Variants in KLF15 observed in about 807,000 individuals in gnomAD.
The protein encoded by KLF15 is Krueppel-like factor 15.
In KLF15, 4 loss-of-function variants were observed where a neutral mutation model predicts 24.6. The observed-to-expected ratio is 0.16, with a 90% confidence interval of 0.08 to 0.37. KLF15 has a LOEUF of 0.37. Among genes scored for constraint, KLF15 ranks in the 10% least tolerant of loss-of-function variants. The probability of loss-of-function intolerance (pLI) is 1.00; values close to 1 mark genes in which losing one functional copy is unlikely to be tolerated. For synonymous variants in KLF15, 246 were observed against 236.3 expected (o/e 1.04, Z -0.37); for missense variants, 496 against 560.6 (o/e 0.88, Z 1.16).
In KLF15 at chr3:126,344,445, G is replaced by A. The variant is rs1054202074; in HGVS notation, c.1083-550C>T. On this transcript the variant is annotated intron_variant, in intron 2 of 2. Transcript: ENST00000296233. ...GCATTCTCTGTTGGGAACTGCCAGA[G>A]CAGCTGGTAAAAGCTCCCAACAGGA... 4.6e-5 allele frequency among the ~76,000 whole-genome samples: 7 copies of A among 152,334 alleles called. No homozygotes were observed. The East Asian group carries it at 1.4e-3, about 29-fold the overall frequency.
At chr3:126,338,485 A>G (rs1199129796), downstream of KLF15, among the ~76,000 whole-genome samples, 1 of 152,206 alleles carries the variant, frequency 6.6e-6, no homozygotes, top group African/African-American at 2.4e-5. Flanking sequence ...CAGAAATGAC[A>G]TCAATGTCTT....
downstream of KLF15, among the ~76,000 whole-genome samples, chr3:126,340,758 G>A (rs1467913768): frequency 6.6e-6 from 1 of 152,128 alleles, no homozygotes; most frequent in East Asian, 1.9e-4. Context: ...GGTCAACACA[G>A]CACTCCCCTT....
At chr3:126,308,482 A>G in the KLF15 span, among the ~76,000 whole-genome samples, 1 of 152,236 alleles carries the variant, frequency 6.6e-6, no homozygotes, top group East Asian at 1.9e-4. Context: ...AGGGAGCTGC[A>G]CGTCCCGGTG....
At position 126,352,507 on chromosome 3, in the gene KLF15, G is replaced by A; in HGVS notation, c.416C>T (p.Pro139Leu). 6.2e-7 allele frequency: 1 copy of A among 1,613,282 alleles called. No individual in the cohort carries two copies. The highest frequency in any genetic ancestry group is 8.5e-7 in the Non-Finnish European group (1 of 1,180,036). Residue 139 changes from proline to leucine, a missense_variant, in exon 2 of 3, where the codon CCT becomes CTT. Coordinates refer to ENST00000296233, the MANE Select transcript of KLF15 (RefSeq NM_014079.4). ...DPDDVPRPFQ[P>L]TLEEIEEFLE... Reference sequence around the variant, plus strand: ...AAACTCTTCAATCTCCTCCAGGGTAGGCTGGAAGGGCCGTGGGACGTCATC... The same window carrying A: ...AAACTCTTCAATCTCCTCCAGGGTAAGCTGGAAGGGCCGTGGGACGTCATC...
the KLF15 span, among the ~76,000 whole-genome samples, chr3:126,321,195 G>T: frequency 6.6e-6 from 1 of 152,138 alleles, no homozygotes; most frequent in Non-Finnish European, 1.5e-5. Flanking sequence ...CTCAACCCTG[G>T]AGACGGCAGA....
the KLF15 span, among the ~76,000 whole-genome samples, chr3:126,331,497 T>G: frequency 5.3e-5 from 8 of 152,348 alleles, no homozygotes; most frequent in South Asian, 1.4e-3. Flanking sequence ...AACTGAGCCC[T>G]GCAACCCTTT....
the KLF15 span, among the ~76,000 whole-genome samples, chr3:126,332,041 A>C: frequency 6.6e-6 from 1 of 152,222 alleles, no homozygotes; most frequent in African/African-American, 2.4e-5. Context: ...CAAAGCAGCC[A>C]GGAAGCTCGA....
At chr3:126,322,064 C>G in the KLF15 span, among the ~76,000 whole-genome samples, 1 of 152,172 alleles carries the variant, frequency 6.6e-6, no homozygotes, top group African/African-American at 2.4e-5. Flanking sequence ...ACCTGTGTCC[C>G]TGGTCACCGA....
chr3:126,292,393 G>A, the KLF15 span, among the ~76,000 whole-genome samples: 1 of 152,160 alleles, frequency 6.6e-6, no homozygotes, highest in Non-Finnish European at 1.5e-5. Flanking sequence ...GGGCCATCTC[G>A]CCTGCCCAGC....
At chr3:126,302,973 GTTTAATTGAGCATT>G in the KLF15 span, among the ~76,000 whole-genome samples, 45 of 151,876 alleles carry the variant, frequency 3.0e-4, no homozygotes, top group Admixed American at 7.2e-4. Context: ...ATTTATTTTT[GTTTAATTGAGCATT>G]TTTTTATTAT....
At chr3:126,329,016 G>T in the KLF15 span, among the ~76,000 whole-genome samples, 1 of 152,150 alleles carries the variant, frequency 6.6e-6, no homozygotes, top group African/African-American at 2.4e-5. Flanking sequence ...CACTCATAGG[G>T]TGTCTGTTCT....
At chr3:126,304,296 G>T in the KLF15 span, among the ~76,000 whole-genome samples, 1 of 152,162 alleles carries the variant, frequency 6.6e-6, no homozygotes, top group Non-Finnish European at 1.5e-5. Context: ...GATAAATGCT[G>T]CTCTAATAAA....
downstream of KLF15, among the ~76,000 whole-genome samples, chr3:126,338,016 A>T (rs2082451983): frequency 6.6e-6 from 1 of 152,224 alleles, no homozygotes; most frequent in African/African-American, 2.4e-5. Flanking sequence ...GTGGCTCCTC[A>T]TGACCATCTG....
chr3:126,317,335 G>A, the KLF15 span, among the ~76,000 whole-genome samples: 1 of 152,198 alleles, frequency 6.6e-6, no homozygotes, highest in Non-Finnish European at 1.5e-5. Flanking sequence ...TGATCAGGTG[G>A]TTGTTACACT....
At chr3:126,346,946 A>G (rs1280355534) in intron 2 of KLF15, among the ~76,000 whole-genome samples, 1 of 152,224 alleles carries the variant, frequency 6.6e-6, no homozygotes, top group Non-Finnish European at 1.5e-5. Context: ...GAGGACTGTG[A>G]GGATTGTACA....
the KLF15 span, among the ~76,000 whole-genome samples, chr3:126,333,504 C>A: frequency 8.1e-6 from 1 of 122,706 alleles, no homozygotes; most frequent in African/African-American, 3.2e-5. Context: ...TAGGAAGAAA[C>A]TGCATCAACT....
intron 2 of KLF15, among the ~76,000 whole-genome samples, chr3:126,345,553 T>TCACACA (rs35986386): frequency 1.1e-4 from 17 of 149,770 alleles, no homozygotes; most frequent in South Asian, 4.3e-4. Flanking sequence ...CCACACATAC[T>TCACACA]CACACACACA....
the KLF15 span, among the ~76,000 whole-genome samples, chr3:126,328,715 A>T: frequency 6.6e-6 from 1 of 152,130 alleles, no homozygotes; most frequent in Non-Finnish European, 1.5e-5. Flanking sequence ...TCTTTCCCCC[A>T]TGCTTGGATA....
In KLF15 at chr3:126,356,979, A is replaced by G. The variant is rs1465632563; in HGVS notation, c.-26+258T>C. Among the ~76,000 whole-genome samples the G allele has an allele frequency of 6.6e-6, 1 of 151,154 alleles. No individual in the cohort carries two copies. The highest frequency in any genetic ancestry group is 1.5e-5 in the Non-Finnish European group (1 of 67,774). ...AGGCGCGCCACGGAATCGCCCGGCCAGGCACCGAGGCGGCGGCGCGGGCCT... is the reference window on the plus strand; with the variant it reads ...AGGCGCGCCACGGAATCGCCCGGCCGGGCACCGAGGCGGCGGCGCGGGCCT... On this transcript the variant is annotated intron_variant, in intron 1 of 2. Coordinates refer to ENST00000296233, the MANE Select transcript of KLF15 (RefSeq NM_014079.4). The surrounding 1 kb of genome is among the most constrained non-coding windows in gnomAD (Gnocchi z 4.4).
Sources: allele counts gnomAD v4.1 joint callset (sites outside exome capture counted in the v4.1 genomes callset), GRCh38; gene constraint gnomAD v4.1.1; non-coding constraint Gnocchi (gnomAD v3.1); transcripts MANE v1.5; gene names NCBI Gene and HGNC (gene_info 2026-07-23, HGNC 2026-07-21).